FIGN: variants seen among roughly 807,000 people sequenced by gnomAD.
FIGN encodes the protein fidgetin.
Under a neutral mutation model 51.3 loss-of-function variants are expected in FIGN, and 11 were observed. The observed-to-expected ratio is 0.21, with a 90% CI of 0.13 to 0.35. The LOEUF is 0.35. Ranked by LOEUF, FIGN falls within the 10% of genes least tolerant of loss-of-function variation. FIGN has a pLI of 1.00. For synonymous variants in FIGN, 407 were observed against 363.2 expected (o/e 1.12, Z -1.37); for missense variants, 857 against 943.6 (o/e 0.91, Z 1.20).
chr2:163,703,925 C>A (rs919622662), intron 2 of FIGN, among the ~76,000 whole-genome samples: 54 of 152,104 alleles, frequency 3.6e-4, no homozygotes, highest in African/African-American at 1.2e-3. Flanking sequence ...CATTACAAAA[C>A]AGCCATTACT....
At chr2:163,704,746 C>T (rs974801878) in intron 2 of FIGN, among the ~76,000 whole-genome samples, 5 of 149,106 alleles carry the variant, frequency 3.4e-5, no homozygotes, top group Admixed American at 1.4e-4. Flanking sequence ...GTAAGAAGTT[C>T]CTAAGACAAC....
At chr2:163,708,143 T>C (rs1427743183) in intron 2 of FIGN, among the ~76,000 whole-genome samples, 2 of 152,086 alleles carry the variant, frequency 1.3e-5, no homozygotes, top group Admixed American at 6.6e-5. Flanking sequence ...ATAGAATAGT[T>C]AGAAAATTAA....
chr2:163,669,035 T>TATATATATATATATATATAC (rs1253146995), intron 2 of FIGN, among the ~76,000 whole-genome samples: 6 of 148,600 alleles, frequency 4.0e-5, no homozygotes, highest in African/African-American at 1.5e-4. Context: ...TATATATATA[T>TATATATATATATATATATAC]ACACTATAAA....
At chr2:163,662,972 G>C (rs573743632) in intron 2 of FIGN, among the ~76,000 whole-genome samples, 1 of 152,206 alleles carries the variant, frequency 6.6e-6, no homozygotes, top group Non-Finnish European at 1.5e-5. Flanking sequence ...CCAGCCATGT[G>C]GAACTGTAAG....
chr2:163,664,753 G>A (rs1258721789), intron 2 of FIGN, among the ~76,000 whole-genome samples: 1 of 152,180 alleles, frequency 6.6e-6, no homozygotes, highest in African/African-American at 2.4e-5. Context: ...ATTAAGCTAT[G>A]TGAGTCAACA....
At chr2:163,672,102 T>G (rs190987221) in intron 2 of FIGN, among the ~76,000 whole-genome samples, 1 of 152,316 alleles carries the variant, frequency 6.6e-6, no homozygotes, top group Admixed American at 6.5e-5. Context: ...ATAATTGTTT[T>G]ACTTTGAAGT....
intron 2 of FIGN, among the ~76,000 whole-genome samples, chr2:163,619,158 CTGTA>C (rs1682928221): frequency 1.3e-5 from 2 of 152,100 alleles, no homozygotes; most frequent in Admixed American, 1.3e-4. Context: ...TCCTAATGTG[CTGTA>C]TGTTTGATAC....
At chr2:163,646,877 CA>C (rs1485366643) in intron 2 of FIGN, among the ~76,000 whole-genome samples, 2 of 152,146 alleles carry the variant, frequency 1.3e-5, no homozygotes, top group African/African-American at 4.8e-5. Context: ...CAATAGAATG[CA>C]ACTCATTGAA....
intron 2 of FIGN, among the ~76,000 whole-genome samples, chr2:163,659,173 CAA>C (rs1559011678): frequency 2.0e-5 from 3 of 151,908 alleles, no homozygotes; most frequent in Admixed American, 6.6e-5. Context: ...CTTAAAAGCC[CAA>C]GTTAATTTGT....
At chr2:163,731,924 C>T (rs575083169) in intron 2 of FIGN, among the ~76,000 whole-genome samples, 1 of 152,146 alleles carries the variant, frequency 6.6e-6, no homozygotes, top group Non-Finnish European at 1.5e-5. Context: ...CTTCTCAAAA[C>T]TCCCACCCTA....
chr2:163,714,735 A>T (rs1325954121), intron 2 of FIGN, among the ~76,000 whole-genome samples: 1 of 152,236 alleles, frequency 6.6e-6, no homozygotes, highest in Admixed American at 6.5e-5. Context: ...AGTGAAGCTC[A>T]AAATTTATCT....
chr2:163,694,127 T>A (rs141010751), intron 2 of FIGN, among the ~76,000 whole-genome samples: 54 of 152,234 alleles, frequency 3.5e-4, no homozygotes, highest in African/African-American at 1.2e-3. Flanking sequence ...TGGTGGAGCT[T>A]TTTATTCTGA....
At chr2:163,632,443 C>T (rs1683159673) in intron 2 of FIGN, among the ~76,000 whole-genome samples, 3 of 152,182 alleles carry the variant, frequency 2.0e-5, no homozygotes. Context: ...CTGTTCTCTG[C>T]TATCCCCCGA....
intron 2 of FIGN, among the ~76,000 whole-genome samples, chr2:163,649,366 C>A (rs1683434272): frequency 6.6e-6 from 1 of 152,176 alleles, no homozygotes; most frequent in South Asian, 2.1e-4. Context: ...CAGTTCCAAA[C>A]TTTCAGTCCT....
At position 163,611,061 on chromosome 2, in the gene FIGN, A is replaced by G; in HGVS notation, c.771T>C (p.Ala257=). The G allele has an allele frequency of 6.2e-7, 1 of 1,614,056 alleles. No homozygotes were observed. Among genetic ancestry groups the G allele is most frequent in the South Asian group, 1.1e-5 (1 of 91,088 alleles). Residue 257 remains alanine, a synonymous_variant, in exon 3 of 3, where the codon GCT becomes GCC. Transcript: ENST00000333129. ...YPSASYPPQT[A]VGSGYSPGGA... is the part of the protein sequence containing the mutation. ...CCCCAGGGCTGTACCCAGACCCCAC[A>G]GCAGTCTGAGGAGGATAGCTAGCAG...
chr2:163,645,551 C>G (rs188696373), intron 2 of FIGN, among the ~76,000 whole-genome samples: 1 of 152,158 alleles, frequency 6.6e-6, no homozygotes, highest in Non-Finnish European at 1.5e-5. Context: ...CTAACTCTCA[C>G]GCCCAGGCCA....
chr2:163,682,580 C>T (rs926996434), intron 2 of FIGN, among the ~76,000 whole-genome samples: 4 of 152,194 alleles, frequency 2.6e-5, no homozygotes, highest in Non-Finnish European at 5.9e-5. Context: ...ATTACCTTTA[C>T]AGTCATGGCT....
intron 2 of FIGN, among the ~76,000 whole-genome samples, chr2:163,625,785 T>C (rs1182039271): frequency 1.3e-5 from 2 of 152,024 alleles, no homozygotes; most frequent in Admixed American, 6.6e-5. Flanking sequence ...CTTGTAGTAA[T>C]GGAATGAAAC....
At chr2:163,663,034 T>C (rs1683714941) in intron 2 of FIGN, among the ~76,000 whole-genome samples, 1 of 152,146 alleles carries the variant, frequency 6.6e-6, no homozygotes, top group Admixed American at 6.5e-5. Flanking sequence ...TGTCAGCAGC[T>C]TGAAAACGAA....
Sources: allele counts gnomAD v4.1 joint callset (sites outside exome capture counted in the v4.1 genomes callset), GRCh38; gene constraint gnomAD v4.1.1; transcripts MANE v1.5; gene names NCBI Gene and HGNC (gene_info 2026-07-23, HGNC 2026-07-21).